SPINK5: variants seen among roughly 807,000 people sequenced by gnomAD.
SPINK5 encodes the protein serine peptidase inhibitor Kazal type 5, also known as serine protease inhibitor Kazal-type 5.
SPINK5 carries 125 observed loss-of-function variants against 151.8 expected under a neutral mutation model. The ratio of observed to expected loss-of-function variants is 0.82; its 90% confidence interval spans 0.71 to 0.96. The LOEUF is 0.96. Among genes scored for constraint, SPINK5 ranks in the 40% least tolerant of loss-of-function variants. The pLI is 0.00. For synonymous variants in SPINK5, 374 were observed against 395.3 expected, an observed-to-expected ratio of 0.95 and a Z score of 0.64; for missense variants, 1,194 against 1,291.9, an observed-to-expected ratio of 0.92 and a Z score of 1.16.
intron 24 of SPINK5, among the ~76,000 whole-genome samples, 187 bp from the exon 25 acceptor site, chr5:148,119,822 G>A (rs563597839): frequency 2.6e-5 from 4 of 152,138 alleles, no homozygotes; most frequent in South Asian, 2.1e-4. Flanking sequence ...TCCTTGCCAC[G>A]TAAAGCAACA....
In SPINK5 at chr5:148,101,347, T is replaced by C. The variant is rs761917047; in HGVS notation, c.1221-8T>C. 208 of 1,596,428 alleles carry C rather than the reference T, an allele frequency of 1.3e-4. No homozygotes were observed. Among genetic ancestry groups the C allele is most frequent in the Admixed American group, 6.7e-4 (40 of 59,834 alleles). ...TTTACTTATCTCTTCTTAACCATCC[T>C]TTTTTAGCCAAGCAGAAGAAGAAGA... is the stretch of plus-strand genomic sequence containing the variant. On this transcript the variant is annotated splice_region_variant and splice_polypyrimidine_tract_variant and intron_variant, in intron 13 of 32. Transcript: ENST00000256084.
chr5:148,079,355 A>G (rs1296067245), intron 4 of SPINK5, among the ~76,000 whole-genome samples: 1 of 151,182 alleles, frequency 6.6e-6, no homozygotes, highest in Non-Finnish European at 1.5e-5. Flanking sequence ...GAGAAATAAT[A>G]TGAATTCTTT....
chr5:148,121,601 A>T (rs1465601370), intron 26 of SPINK5, among the ~76,000 whole-genome samples: 1 of 151,844 alleles, frequency 6.6e-6, no homozygotes, highest in Non-Finnish European at 1.5e-5. Context: ...TATTTAAAAA[A>T]TTTTGAACAG....
At chr5:148,119,909 C>T (rs1754205138) in intron 24 of SPINK5, 100 bp from the exon 25 acceptor site, 1 of 1,396,724 alleles carries the variant, frequency 7.2e-7, no homozygotes, top group East Asian at 2.4e-5. Context: ...AGCAAGGTTA[C>T]ATGGCTGCCT....
intron 11 of SPINK5, among the ~76,000 whole-genome samples, chr5:148,098,454 G>T (rs1373400728): frequency 2.0e-5 from 3 of 150,812 alleles, no homozygotes; most frequent in African/African-American, 7.3e-5. Flanking sequence ...AAGTTAGAAT[G>T]GACAGTTTTC....
At chr5:148,076,027 G>A (rs1752870958) in intron 4 of SPINK5, among the ~76,000 whole-genome samples, 1 of 151,366 alleles carries the variant, frequency 6.6e-6, no homozygotes, top group African/African-American at 2.4e-5. Flanking sequence ...GCCCAAAGAG[G>A]GTCAAGAGAT....
rs775468293 is a variant in SPINK5, at chr5:148,088,537, T to A, written c.411-5T>A. On this transcript the variant is annotated splice_polypyrimidine_tract_variant and splice_region_variant and intron_variant, in intron 5 of 32. Transcript: ENST00000256084. The stretch of plus-strand genomic sequence containing the variant: ...ACTGCTGTGTCTACTAACTTTTGAT[T>A]CTAGGAAAACCGGGTCCCAAATTGG... 25 of 1,611,368 alleles carry A rather than the reference T, an allele frequency of 1.6e-5. No homozygotes were observed. The highest frequency in any genetic ancestry group is 2.0e-5 in the Non-Finnish European group (24 of 1,178,372).
Position 148,108,834 on chromosome 5 carries a change from T to A in SPINK5, c.1689T>A (p.Val563=). Residue 563 remains valine, a synonymous_variant, in exon 18 of 33, where the codon GTT becomes GTA. Coordinates refer to ENST00000256084, the MANE Select transcript of SPINK5 (RefSeq NM_006846.4). Reference sequence around the variant, plus strand: ...CTGAAAAAGTTAAGAGAGAAGCAGTTCAGGTAGTTGTTTGAGATCATCAGA... The same window carrying A: ...CTGAAAAAGTTAAGAGAGAAGCAGTACAGGTAGTTGTTTGAGATCATCAGA... ...VEAEKVKREA[V]QELCSEYRHY... 2 of 1,612,162 alleles carry A rather than the reference T, an allele frequency of 1.2e-6. No homozygotes were observed. Among genetic ancestry groups the A allele is most frequent in the Non-Finnish European group, 1.7e-6 (2 of 1,178,698 alleles).
intron 20 of SPINK5, 85 bp downstream of exon 20, chr5:148,113,019 C>A (rs1432903368): frequency 5.1e-6 from 8 of 1,574,394 alleles, no homozygotes; most frequent in East Asian, 2.3e-5. Flanking sequence ...TTACTGAAAC[C>A]CCAGTTGTGA....
intron 10 of SPINK5, 61 bp from the exon 11 acceptor site, chr5:148,097,806 A>G (rs1395421125): frequency 6.6e-7 from 1 of 1,523,856 alleles, no homozygotes; most frequent in South Asian, 1.2e-5. Context: ...GTAAAATAAC[A>G]TTTAACATTC....
intron 4 of SPINK5, among the ~76,000 whole-genome samples, chr5:148,076,468 T>C (rs974063570): frequency 2.0e-5 from 3 of 151,796 alleles, no homozygotes; most frequent in African/African-American, 7.2e-5. Flanking sequence ...TCTAAAATGT[T>C]GTTTTTATAA....
At chr5:148,081,657 G>T (rs888624961) in intron 4 of SPINK5, among the ~76,000 whole-genome samples, 1 of 151,512 alleles carries the variant, frequency 6.6e-6, no homozygotes, top group African/African-American at 2.4e-5. Context: ...AATCTCGTAG[G>T]GTGATGAAAA....
Position 148,064,011 on chromosome 5 carries a change from A to G in SPINK5, c.-34A>G, listed in dbSNP as rs759158651. 21 of 1,613,364 alleles carry G rather than the reference A, an allele frequency of 1.3e-5. No individual in the cohort carries two copies. The highest frequency in any genetic ancestry group is 1.5e-5 in the Non-Finnish European group (18 of 1,179,452). On this transcript the variant is annotated 5_prime_UTR_variant, in exon 1 of 33. Coordinates refer to ENST00000256084, the MANE Select transcript of SPINK5 (RefSeq NM_006846.4). ...ACTGCACCAGCTGAGCAATGCATGG[A>G]GTGGACCTGTAGGCGACTTGCATCG...
intron 25 of SPINK5, 22 bp from the exon 26 acceptor site, chr5:148,120,273 T>C (rs1754219055): frequency 6.2e-7 from 1 of 1,604,646 alleles, no homozygotes; most frequent in Non-Finnish European, 8.5e-7. Context: ...TTGATTGAAA[T>C]GTTTCATTGT....
chr5:148,115,957 G>A (rs1345885076), intron 21 of SPINK5, among the ~76,000 whole-genome samples: 1 of 151,904 alleles, frequency 6.6e-6, no homozygotes, highest in Non-Finnish European at 1.5e-5. Context: ...TAGTAGCTGG[G>A]GTTACAGGCA....
intron 16 of SPINK5, among the ~76,000 whole-genome samples, chr5:148,106,011 C>T (rs920672622): frequency 5.9e-5 from 9 of 151,890 alleles, no homozygotes; most frequent in Non-Finnish European, 1.0e-4. Context: ...AATTTGCCTT[C>T]TTACTGACTC....
In SPINK5 at chr5:148,127,718, C is replaced by T. The variant is rs138822783; in HGVS notation, c.2964+639C>T. On this transcript the variant is annotated intron_variant, in intron 30 of 32. Coordinates refer to ENST00000256084, the MANE Select transcript of SPINK5 (RefSeq NM_006846.4). ...CTTACAAAAAAAAAAATTAGCTGGG[C>T]ATGGTGCCTTGTGCCTGTAGTTCCA... 4.9e-4 allele frequency among the ~76,000 whole-genome samples: 75 copies of T among 152,086 alleles called. No homozygotes were observed. In the East Asian group the frequency reaches 0.01, roughly 21 times the overall value.
In SPINK5 at chr5:148,123,512, A is replaced by ATATATATATATATAT. The variant is rs1561703850; in HGVS notation, c.2539-321_2539-320insTATATATATATATAT. On this transcript the variant is annotated intron_variant, in intron 26 of 32. Transcript: ENST00000256084. ...TGTCCAGCCTGGAGTGCAGTGGTGC[A>ATATATATATATATAT]ATATATGTGTATATATATATATATA... Among the ~76,000 whole-genome samples the ATATATATATATATAT allele has an allele frequency of 1.6e-4, 19 of 120,942 alleles. 1 individual carries two copies. The highest frequency in any genetic ancestry group is 5.9e-4 in the South Asian group (2 of 3,378). 79.3% of individuals were successfully genotyped at this position (120,942 alleles called of 152,430 possible).
chr5:148,100,672 T>C (rs1444884794), intron 13 of SPINK5, 91 bp downstream of exon 13: 24 of 1,444,736 alleles, frequency 1.7e-5, no homozygotes, highest in Admixed American at 3.5e-5. Flanking sequence ...CACTTCAACA[T>C]AAAAATGAAA....
Sources: gnomAD v4.1 joint callset for allele counts (sites outside exome capture counted in the v4.1 genomes callset) on GRCh38, gnomAD v4.1.1 for gene constraint, MANE v1.5 for transcripts, NCBI Gene and HGNC (gene_info 2026-07-23, HGNC 2026-07-21) for gene names.